The following TMCC3 variants were observed in gnomAD, a reference collection of about 807,000 sequenced individuals.
TMCC3 encodes the protein transmembrane and coiled-coil domain family 3, also known as transmembrane and coiled-coil domain protein 3.
Under a neutral mutation model 40.2 loss-of-function variants are expected in TMCC3, and 28 were observed. The ratio of observed to expected loss-of-function variants is 0.70; its 90% CI spans 0.52 to 0.95. The LOEUF (loss-of-function observed/expected upper bound fraction) is 0.95, where lower values mean the gene tolerates loss of function less well. Among genes scored for constraint, TMCC3 ranks in the 40% least tolerant of loss-of-function variants. The probability of loss-of-function intolerance (pLI) is 0.00; values close to 1 mark genes in which losing one functional copy is unlikely to be tolerated. For synonymous variants in TMCC3, 255 were observed against 248.5 expected, an observed-to-expected ratio of 1.03 and a Z score of -0.25; for missense variants, 554 against 615.2, an observed-to-expected ratio of 0.90 and a Z score of 1.05.
chr12:94,611,324 A>G (rs1207380377), intron 1 of TMCC3, among the ~76,000 whole-genome samples: 1 of 152,182 alleles, frequency 6.6e-6, no homozygotes, highest in Non-Finnish European at 1.5e-5. Context: ...TTTTCAAGTA[A>G]AAGTCCCATT....
chr12:94,616,710 A>G (rs1458454584), intron 1 of TMCC3, among the ~76,000 whole-genome samples: 1 of 152,238 alleles, frequency 6.6e-6, no homozygotes, highest in African/African-American at 2.4e-5. Context: ...GAAAAAGTCA[A>G]TGGAAAGCAG....
intron 1 of TMCC3, among the ~76,000 whole-genome samples, chr12:94,601,151 T>C (rs1291605402): frequency 2.0e-5 from 3 of 152,332 alleles, no homozygotes; most frequent in South Asian, 4.1e-4. Context: ...AACTGGATAT[T>C]AGAAATTATA....
chr12:94,578,433 C>G lies in TMCC3; in HGVS notation c.1092G>C (p.Lys364Asn). 4 of 1,614,114 alleles carry G rather than the reference C, an allele frequency of 2.5e-6. No individual in the cohort carries two copies. The highest frequency in any genetic ancestry group is 3.4e-6 in the Non-Finnish European group (4 of 1,180,024). Residue 364 changes from lysine to asparagine, a missense_variant, in exon 3 of 4, where the codon AAG (lysine) becomes AAC (asparagine). Physicochemically the swap from Lys to Asn is moderately conservative, Grantham distance 94. Transcript: ENST00000261226. ...LKQELASIEEKVAYQAYERSR... is the reference protein window; with the variant it reads ...LKQELASIEENVAYQAYERSR... ...AGCGCTCGTAGGCCTGGTAGGCCAC[C>G]TTCTCCTCAATGCTGGCCAGCTCCT... is the stretch of plus-strand genomic sequence containing the variant.
chr12:94,618,292 C>T (rs183183296), intron 1 of TMCC3, among the ~76,000 whole-genome samples: 1 of 152,316 alleles, frequency 6.6e-6, no homozygotes, highest in East Asian at 1.9e-4. Context: ...TCATCTCCAG[C>T]TTAGCTCCTA....
intron 1 of TMCC3, among the ~76,000 whole-genome samples, chr12:94,603,928 C>G (rs759165750): frequency 3.6e-4 from 55 of 151,656 alleles, no homozygotes; most frequent in Non-Finnish European, 5.4e-4. Context: ...AAAAAAACCA[C>G]TTAAATTTCA....
chr12:94,587,253 T>G (rs1052593723), intron 1 of TMCC3, among the ~76,000 whole-genome samples: 3 of 152,166 alleles, frequency 2.0e-5, no homozygotes, highest in African/African-American at 7.2e-5. Context: ...GTGTTTCTGT[T>G]TGGGCGCTGA....
At chr12:94,597,410 C>T (rs532345626) in intron 1 of TMCC3, among the ~76,000 whole-genome samples, 8 of 152,040 alleles carry the variant, frequency 5.3e-5, no homozygotes, top group South Asian at 2.1e-4. Context: ...CTGTAGGGAC[C>T]GTTGTAATTG....
At chr12:94,603,512 A>C (rs1395719634) in intron 1 of TMCC3, among the ~76,000 whole-genome samples, 1 of 152,232 alleles carries the variant, frequency 6.6e-6, no homozygotes, top group Non-Finnish European at 1.5e-5. Context: ...CACAACCCAG[A>C]CAAATCTCAC....
At chr12:94,624,304 A>G (rs1158399616) in intron 1 of TMCC3, among the ~76,000 whole-genome samples, 4 of 152,214 alleles carry the variant, frequency 2.6e-5, no homozygotes. Flanking sequence ...AAATAAAAAC[A>G]TATACCCCCA....
intron 1 of TMCC3, among the ~76,000 whole-genome samples, chr12:94,650,098 G>T (rs543119888): frequency 1.1e-4 from 17 of 152,218 alleles, no homozygotes; most frequent in African/African-American, 4.1e-4. Context: ...GGAACCGGGC[G>T]TCCCGCATAG....
intron 1 of TMCC3, among the ~76,000 whole-genome samples, chr12:94,585,684 T>TCAAACAAA (rs4019546): frequency 0.047 from 7,123 of 150,120 alleles, 330 homozygotes; most frequent in African/African-American, 0.12. Context: ...AGACACCGTC[T>TCAAACAAA]CAAACAAACA....
intron 1 of TMCC3, among the ~76,000 whole-genome samples, chr12:94,623,327 T>C (rs2068885734): frequency 6.6e-6 from 1 of 152,140 alleles, no homozygotes; most frequent in Non-Finnish European, 1.5e-5. Flanking sequence ...CTGGGCACTT[T>C]TACGTCATCA....
chr12:94,585,567 C>T (rs946692150), intron 1 of TMCC3, among the ~76,000 whole-genome samples: 4 of 151,982 alleles, frequency 2.6e-5, no homozygotes, highest in Non-Finnish European at 4.4e-5. Flanking sequence ...CATGGTGGCA[C>T]GTGCCTGTAG....
intron 1 of TMCC3, among the ~76,000 whole-genome samples, chr12:94,629,132 A>G (rs2068918809): frequency 1.3e-5 from 2 of 152,218 alleles, no homozygotes; most frequent in African/African-American, 4.8e-5. Flanking sequence ...ACAAGGATAT[A>G]AATATATACA....
chr12:94,575,773 A>T (rs1296996359), intron 3 of TMCC3, among the ~76,000 whole-genome samples: 1 of 152,190 alleles, frequency 6.6e-6, no homozygotes, highest in Non-Finnish European at 1.5e-5. Flanking sequence ...GACTTCGTGA[A>T]GCAATTGTAC....
intron 3 of TMCC3, among the ~76,000 whole-genome samples, chr12:94,572,053 G>A (rs750554185): frequency 3.5e-4 from 54 of 152,288 alleles, no homozygotes; most frequent in Non-Finnish European, 6.5e-4. Flanking sequence ...AGGCTGGAGT[G>A]CAGTGGTGCG....
intron 1 of TMCC3, among the ~76,000 whole-genome samples, chr12:94,637,515 T>C (rs2068966685): frequency 6.6e-6 from 1 of 152,230 alleles, no homozygotes; most frequent in Admixed American, 6.5e-5. Context: ...ACACAAAGTT[T>C]ACCAGTGTTG....
At chr12:94,626,201 C>T (rs113675949) in intron 1 of TMCC3, among the ~76,000 whole-genome samples, 8,216 of 152,270 alleles carry the variant, frequency 0.054, 435 homozygotes, top group African/African-American at 0.14. Flanking sequence ...TGGGGGAAAT[C>T]GCCCCCATAA....
intron 1 of TMCC3, among the ~76,000 whole-genome samples, chr12:94,620,295 A>ATT (rs369322269): frequency 9.5e-5 from 14 of 147,228 alleles, no homozygotes; most frequent in Admixed American, 3.4e-4. Context: ...AATAATTATT[A>ATT]TTTTTTTTTT....
Sources: gnomAD v4.1 joint callset for allele counts (sites outside exome capture counted in the v4.1 genomes callset) on GRCh38, gnomAD v4.1.1 for gene constraint, MANE v1.5 for transcripts, NCBI Gene and HGNC (gene_info 2026-07-23, HGNC 2026-07-21) for gene names.